DPP8: variants seen among roughly 807,000 people sequenced by gnomAD.
DPP8 encodes the protein DPP VIII.
A neutral mutation model predicts 107.5 loss-of-function variants in DPP8; 31 were observed. The observed-to-expected ratio is 0.29, with a 90% CI of 0.22 to 0.39. The LOEUF (loss-of-function observed/expected upper bound fraction) is 0.39, where lower values mean the gene tolerates loss of function less well. DPP8 is among the 10% of genes least tolerant of loss of function. The probability of loss-of-function intolerance (pLI) is 1.00; values close to 1 mark genes in which losing one functional copy is unlikely to be tolerated. For synonymous variants in DPP8, 381 were observed against 356.6 expected, an observed-to-expected ratio of 1.07 and a Z score of -0.77; for missense variants, 842 against 1,076.1, an observed-to-expected ratio of 0.78 and a Z score of 3.04.
At position 65,443,279 on chromosome 15, in the gene DPP8, C is replaced by T. The variant is rs2063362525; in HGVS notation, c.*3605G>A. ...CCAGCACCAACTGGATACTAACTGG[C>T]TGTGTGGTCGTGGGTATATTTCCTC... On this transcript the variant is annotated 3_prime_UTR_variant, in exon 20 of 20. Transcript: ENST00000300141. The T allele has an allele frequency of 6.6e-6, 1 of 152,116 alleles. No homozygotes were observed. The highest frequency in any genetic ancestry group is 2.4e-5 in the African/African-American group (1 of 41,422). The allele number at this position is 152,116 out of a possible 1,614,324, so 9.4% of individuals were successfully genotyped here.
Position 65,443,000 on chromosome 15 carries a change from C to G in DPP8, c.*3884G>C, listed in dbSNP as rs963266660. The G allele has an allele frequency of 1.3e-5, 2 of 152,174 alleles. No individual in the cohort carries two copies. Among genetic ancestry groups the G allele is most frequent in the African/African-American group, 4.8e-5 (2 of 41,442 alleles). The allele number at this position is 152,174 out of a possible 1,614,324, so 9.4% of individuals were successfully genotyped here. A position where few individuals can be genotyped will look rare whatever the true frequency, so the allele number is the denominator to read the frequency against. On this transcript the variant is annotated 3_prime_UTR_variant, in exon 20 of 20. Transcript: ENST00000300141. The stretch of plus-strand genomic sequence containing the variant: ...GCACTCTACTCTATATTCCAATCCT[C>G]AAATCCTCCACTATACCAAGGAAGA...
chr15:65,470,919 C>CAAAAAAAAAAAAAAAAAAA (rs773144225), intron 12 of DPP8, among the ~76,000 whole-genome samples: 14 of 110,792 alleles, frequency 1.3e-4, no homozygotes, highest in African/African-American at 4.4e-4. Context: ...ACTCTTATCT[C>CAAAAAAAAAAAAAAAAAAA]AAAAAAAAAA....
At chr15:65,464,127 G>A (rs931602594) in intron 14 of DPP8, among the ~76,000 whole-genome samples, 11 of 152,190 alleles carry the variant, frequency 7.2e-5, no homozygotes, top group African/African-American at 2.4e-4. Flanking sequence ...ACTTTGGGAG[G>A]CCGAGGCAGG....
chr15:65,470,734 C>A (rs1385379962), intron 12 of DPP8, among the ~76,000 whole-genome samples: 10 of 151,400 alleles, frequency 6.6e-5, no homozygotes, highest in Admixed American at 4.6e-4. Flanking sequence ...TCCTGGCCAA[C>A]ATGGCAAAAC....
chr15:65,462,458 C>T (rs2065005912), intron 15 of DPP8, among the ~76,000 whole-genome samples: 1 of 152,124 alleles, frequency 6.6e-6, no homozygotes, highest in Non-Finnish European at 1.5e-5. Context: ...AAGGGTATTA[C>T]TGAATCTAAG....
At chr15:65,501,329 A>G (rs2069216293) in intron 3 of DPP8, among the ~76,000 whole-genome samples, 1 of 152,148 alleles carries the variant, frequency 6.6e-6, no homozygotes. Context: ...TACTGTATAC[A>G]TTAGAGAACA....
At position 65,442,545 on chromosome 15, in the gene DPP8, TA is replaced by T; in HGVS notation, c.*4338del. The T allele has an allele frequency of 6.6e-6, 1 of 152,202 alleles. No individual in the cohort carries two copies. Among genetic ancestry groups the T allele is most frequent in the East Asian group, 1.9e-4 (1 of 5,196 alleles). The allele number at this position is 152,202 out of a possible 1,614,324, so 9.4% of individuals were successfully genotyped here. ...AAACTAATGTTTCACTTTACATGAT[TA>T]AAAGCCATATACCTAAAAATGAGAA... On this transcript the variant is annotated 3_prime_UTR_variant, in exon 20 of 20. Coordinates refer to ENST00000300141, the MANE Select transcript of DPP8 (RefSeq NM_130434.5).
At chr15:65,481,730 A>G (rs2066944086) in intron 8 of DPP8, 115 bp from the exon 9 acceptor site, 1 of 598,140 alleles carries the variant, frequency 1.7e-6, no homozygotes. Flanking sequence ...AGAGTTAGGT[A>G]TTAAAAAGGA....
chr15:65,448,865 AATATATATATATATATATATATAT>A (rs58549410), intron 19 of DPP8, among the ~76,000 whole-genome samples: 1,178 of 53,290 alleles, frequency 0.022, 41 homozygotes, highest in Non-Finnish European at 0.035. Context: ...ATATATCTAA[AATATATATATATATATATATATAT>A]ATATATATAT....
intron 5 of DPP8, among the ~76,000 whole-genome samples, chr15:65,492,319 G>A (rs2068118945): frequency 6.6e-6 from 1 of 152,032 alleles, no homozygotes; most frequent in Admixed American, 6.6e-5. Flanking sequence ...TCCAGCCTGG[G>A]TGACAGAGTG....
At chr15:65,514,286 T>C (rs1218140447) in intron 1 of DPP8, among the ~76,000 whole-genome samples, 2 of 152,238 alleles carry the variant, frequency 1.3e-5, no homozygotes, top group Non-Finnish European at 2.9e-5. Context: ...GCTTGTATCA[T>C]TGTAACAAAT....
intron 15 of DPP8, among the ~76,000 whole-genome samples, chr15:65,463,109 C>T (rs2065053964): frequency 6.6e-6 from 1 of 152,202 alleles, no homozygotes; most frequent in African/African-American, 2.4e-5. Context: ...TGTTAAGACT[C>T]TTTTGATTTA....
chr15:65,454,636 C>T (rs2064252099), intron 16 of DPP8, among the ~76,000 whole-genome samples: 1 of 152,242 alleles, frequency 6.6e-6, no homozygotes, highest in Admixed American at 6.5e-5. Context: ...AAGTGATTCT[C>T]CTGCCTCAGC....
At chr15:65,457,895 G>C (rs2064568570) in intron 15 of DPP8, among the ~76,000 whole-genome samples, 1 of 152,120 alleles carries the variant, frequency 6.6e-6, no homozygotes, top group East Asian at 1.9e-4. Context: ...CTGGGCTCAA[G>C]TAATCCTCCC....
chr15:65,480,565 C>G (rs557365337), intron 9 of DPP8, among the ~76,000 whole-genome samples, 166 bp from the exon 10 acceptor site: 1 of 152,314 alleles, frequency 6.6e-6, no homozygotes, highest in South Asian at 2.1e-4. Context: ...TAAAAATACA[C>G]TTTAAGCTTG....
At chr15:65,485,544 C>CAAAAAAAAAAAAAA (rs56940292) in intron 7 of DPP8, among the ~76,000 whole-genome samples, 11 of 61,222 alleles carry the variant, frequency 1.8e-4, no homozygotes, top group East Asian at 5.8e-4. Flanking sequence ...GACTCCATCT[C>CAAAAAAAAAAAAAA]AAAAAAAAAA....
At chr15:65,447,339 G>A (rs1384181661) in intron 19 of DPP8, among the ~76,000 whole-genome samples, 1 of 152,150 alleles carries the variant, frequency 6.6e-6, no homozygotes, top group Non-Finnish European at 1.5e-5. Context: ...GCCTTTACTT[G>A]TTGTGCCAGC....
chr15:65,508,852 CA>C (rs897390633), intron 2 of DPP8, among the ~76,000 whole-genome samples: 107 of 136,236 alleles, frequency 7.9e-4, no homozygotes, highest in East Asian at 2.9e-3. Context: ...AACTCCATCT[CA>C]AAAAAAAAAA....
At chr15:65,500,843 G>T in intron 3 of DPP8, 64 bp from the exon 4 acceptor site, 67 of 903,972 alleles carry the variant, frequency 7.4e-5, no homozygotes, top group Middle Eastern at 2.7e-4. Flanking sequence ...TTTTAGCACT[G>T]AAATCCTAGA....
Sources: allele counts gnomAD v4.1 joint callset (sites outside exome capture counted in the v4.1 genomes callset), GRCh38; gene constraint gnomAD v4.1.1; transcripts MANE v1.5; gene names NCBI Gene and HGNC (gene_info 2026-07-23, HGNC 2026-07-21).